Variants in HYDIN observed in about 807,000 individuals in gnomAD.
The protein encoded by HYDIN is axonemal central pair apparatus protein HYDIN.
Under a neutral mutation model 403.9 loss-of-function variants are expected in HYDIN, and 132 were observed. The ratio of observed to expected loss-of-function variants is 0.33; its 90% CI spans 0.28 to 0.38. The LOEUF (loss-of-function observed/expected upper bound fraction) is 0.38. HYDIN is among the 10% of genes least tolerant of loss of function. The probability of loss-of-function intolerance (pLI) is 1.00; values close to 1 mark genes in which losing one functional copy is unlikely to be tolerated. For missense variants in HYDIN, 2,827 were observed against 5,009.5 expected (o/e 0.56, Z 13.15); for synonymous variants, 1,202 against 1,891.7 (o/e 0.64, Z 9.46).
chr16:70,992,295 A>C, intron 23 of HYDIN, 85 bp from the exon 24 acceptor site: 1 of 1,490,140 alleles, frequency 6.7e-7, no homozygotes, highest in East Asian at 2.4e-5. Flanking sequence ...TCAGTTTCTA[A>C]GGCCAAACTC....
At chr16:70,936,453 A>T (rs2077495460) in intron 44 of HYDIN, among the ~76,000 whole-genome samples, 1 of 132,618 alleles carries the variant, frequency 7.5e-6, no homozygotes, top group Admixed American at 7.7e-5. Context: ...GCACTTAAAA[A>T]AAGCAACTTT....
At chr16:71,078,134 TG>T (rs2082673922) in intron 13 of HYDIN, among the ~76,000 whole-genome samples, 1 of 149,032 alleles carries the variant, frequency 6.7e-6, no homozygotes, top group Non-Finnish European at 1.5e-5. Flanking sequence ...TTTCTTTTCT[TG>T]TGTTGTTTTA....
At chr16:71,111,510 G>A (rs1021625623) in intron 10 of HYDIN, among the ~76,000 whole-genome samples, 33 of 152,016 alleles carry the variant, frequency 2.2e-4, no homozygotes, top group African/African-American at 7.7e-4. Context: ...AGTAACTTGG[G>A]TTTGTTGTTG....
chr16:71,086,994 G>A (rs972625004), intron 12 of HYDIN, among the ~76,000 whole-genome samples: 2 of 150,656 alleles, frequency 1.3e-5, no homozygotes, highest in South Asian at 2.2e-4. Context: ...GCACATATTC[G>A]TGAAGAGTCA....
At chr16:70,916,797 C>A (rs904258962) in intron 47 of HYDIN, among the ~76,000 whole-genome samples, 1 of 152,232 alleles carries the variant, frequency 6.6e-6, no homozygotes, top group Non-Finnish European at 1.5e-5. Context: ...TTCTTCTGAG[C>A]ATTCTTAAGT....
chr16:70,898,887 G>A (rs1414080370), intron 53 of HYDIN, among the ~76,000 whole-genome samples: 2 of 151,642 alleles, frequency 1.3e-5, no homozygotes, highest in Non-Finnish European at 2.9e-5. Context: ...GGGGTTACAG[G>A]CGTGCGCCAC....
intron 54 of HYDIN, 123 bp from the exon 55 acceptor site, chr16:70,894,671 G>C: frequency 1.6e-6 from 1 of 628,564 alleles, no homozygotes; most frequent in Non-Finnish European, 2.6e-6. Flanking sequence ...TTTGTTTTCT[G>C]AAAGTACTGT....
chr16:71,067,258 A>T, intron 15 of HYDIN, 32 bp downstream of exon 15: 1 of 1,427,072 alleles, frequency 7.0e-7, no homozygotes, highest in Non-Finnish European at 9.8e-7. Flanking sequence ...CTCGGGGGCG[A>T]CTCAGGAGAA....
chr16:71,217,215 T>A (rs1321140205), intron 1 of HYDIN, among the ~76,000 whole-genome samples: 1 of 152,218 alleles, frequency 6.6e-6, no homozygotes, highest in African/African-American at 2.4e-5. Context: ...GTACAACTAT[T>A]GGCAAAAATG....
In HYDIN at chr16:71,176,912, A is replaced by G. The variant is rs140757979; in HGVS notation, c.382-1171T>C. Among the ~76,000 whole-genome samples the G allele has an allele frequency of 1.2e-3, 178 of 152,328 alleles. 5 individuals carry two copies. The East Asian group carries it at 0.027, about 23-fold the overall frequency. On this transcript the variant is annotated intron_variant, in intron 4 of 85. Coordinates refer to ENST00000393567, the MANE Select transcript of HYDIN (RefSeq NM_001270974.2). ...CAGTGAGGAAGCAAATAAAAGGTGAAAGCATTTCTCGGGGCCCCAAATCTC... is the reference window on the plus strand; with the variant it reads ...CAGTGAGGAAGCAAATAAAAGGTGAGAGCATTTCTCGGGGCCCCAAATCTC...
At chr16:71,031,485 A>C in intron 19 of HYDIN, 194 bp downstream of exon 19, 1 of 1,361,462 alleles carries the variant, frequency 7.3e-7, no homozygotes. Context: ...TAGAGAATGC[A>C]ACCAAGTTAT....
intron 39 of HYDIN, among the ~76,000 whole-genome samples, chr16:70,956,289 T>C (rs8056914): frequency 0.025 from 3,716 of 149,216 alleles, 151 homozygotes; most frequent in African/African-American, 0.085. Context: ...AATTCAGATA[T>C]AACAGACAAG....
intron 21 of HYDIN, among the ~76,000 whole-genome samples, chr16:71,025,041 C>T (rs2080643544): frequency 6.6e-6 from 1 of 152,138 alleles, no homozygotes; most frequent in African/African-American, 2.4e-5. Context: ...TTATAATTAT[C>T]AATAATTCTA....
rs754667969 is a variant in HYDIN at position 70,807,677 on chromosome 16, G to T, written c.15269C>A (p.Thr5090Asn). The T allele has an allele frequency of 4.3e-6, 7 of 1,614,132 alleles. No homozygotes were observed. The East Asian group carries it at 1.3e-4, about 31-fold the overall frequency. Residue 5090 changes from threonine to asparagine, a missense_variant, in exon 86 of 86, where the codon ACC becomes AAC. Coordinates refer to ENST00000393567, the MANE Select transcript of HYDIN (RefSeq NM_001270974.2). ...SFEGNPSGSK[T>N]PITTKLTVSC... ...CACAGTCAGCTTGGTGGTGATGGGG[G>T]TTTTGCTGCCAGATGGGTTTCCTTC...
intron 36 of HYDIN, 22 bp downstream of exon 36, chr16:70,970,498 G>A: frequency 6.2e-7 from 1 of 1,603,792 alleles, no homozygotes; most frequent in East Asian, 2.2e-5. Flanking sequence ...TAGAAAAACA[G>A]TTTGGTTTGA....
chr16:70,830,769 T>C (rs574240969), intron 80 of HYDIN, among the ~76,000 whole-genome samples: 10 of 152,278 alleles, frequency 6.6e-5, no homozygotes, highest in African/African-American at 2.2e-4. Flanking sequence ...GGAGATGCCC[T>C]TTACTGATGT....
Position 70,809,764 on chromosome 16 carries a change from T to C in HYDIN, c.14883+19A>G. On this transcript the variant is annotated intron_variant, in intron 85 of 85. Transcript: ENST00000393567. Reference sequence around the variant, plus strand: ...GTTCATGTGAGGGAAGGGCAGAAGGTAGAGCAGGGGCCACTCACCCTGCAG... The same window carrying C: ...GTTCATGTGAGGGAAGGGCAGAAGGCAGAGCAGGGGCCACTCACCCTGCAG... The C allele has an allele frequency of 1.9e-6, 3 of 1,583,548 alleles. No homozygotes were observed. Among genetic ancestry groups the C allele is most frequent in the South Asian group, 1.1e-5 (1 of 90,400 alleles).
chr16:71,174,436 T>C (rs1330152420), intron 5 of HYDIN, among the ~76,000 whole-genome samples: 1 of 152,182 alleles, frequency 6.6e-6, no homozygotes, highest in Non-Finnish European at 1.5e-5. Flanking sequence ...ACTCCAACCA[T>C]AAGAGTGCAA....
At position 70,922,224 on chromosome 16, in the gene HYDIN, C is replaced by T. The variant is rs565421762; in HGVS notation, c.7159-1007G>A. On this transcript the variant is annotated intron_variant, in intron 45 of 85. Transcript: ENST00000393567. The stretch of plus-strand genomic sequence containing the variant: ...GAGGCAGCAACACTGCAGGCTGGCA[C>T]GGTGCCTCATGTGGGGGAGGCAGGG... Among the ~76,000 whole-genome samples the T allele has an allele frequency of 2.1e-3, 327 of 152,300 alleles. 1 individual carries two copies. The highest frequency in any genetic ancestry group is 3.7e-3 in the Non-Finnish European group (252 of 68,024).
Sources: allele counts gnomAD v4.1 joint callset (sites outside exome capture counted in the v4.1 genomes callset), GRCh38; gene constraint gnomAD v4.1.1; transcripts MANE v1.5; gene names NCBI Gene and HGNC (gene_info 2026-07-23, HGNC 2026-07-21).